Variants in GSE1 observed in about 807,000 individuals in gnomAD.
The protein encoded by GSE1 is genetic suppressor element 1.
A neutral mutation model predicts 112.6 loss-of-function variants in GSE1; 32 were observed. The observed-to-expected ratio is 0.28, with a 90% CI of 0.21 to 0.38. GSE1 has a LOEUF of 0.38. GSE1 is among the 10% of genes least tolerant of loss of function. The probability of loss-of-function intolerance (pLI) is 1.00; values close to 1 mark genes in which losing one functional copy is unlikely to be tolerated. For missense variants in GSE1, 2,348 were observed against 1,699.2 expected, an observed-to-expected ratio of 1.38 and a Z score of -6.71; for synonymous variants, 1,115 against 735.6, an observed-to-expected ratio of 1.52 and a Z score of -8.35.
chr16:85,448,998 T>C (rs1029177084), intron 2 of GSE1, among the ~76,000 whole-genome samples: 1 of 152,178 alleles, frequency 6.6e-6, no homozygotes, highest in African/African-American at 2.4e-5. Flanking sequence ...CTCACTCGCC[T>C]GAGCAGGAGG....
intron 2 of GSE1, among the ~76,000 whole-genome samples, chr16:85,497,009 C>G (rs2051203872): frequency 6.6e-6 from 1 of 152,132 alleles, no homozygotes; most frequent in African/African-American, 2.4e-5. Context: ...AGCGATTCTC[C>G]TGCCTCAGCC....
upstream of GSE1, among the ~76,000 whole-genome samples, chr16:85,552,280 C>T (rs2044955707): frequency 6.8e-6 from 1 of 146,308 alleles, no homozygotes; most frequent in African/African-American, 2.5e-5. Context: ...CCGCCTCGGC[C>T]TCCCAAAGTG....
chr16:85,301,519 A>G lies in GSE1; in HGVS notation c.2284-55944A>G, dbSNP rs2045525815. The stretch of plus-strand genomic sequence containing the variant: ...AGTGGCTGCCGGTTGGTGGATGGCA[A>G]GCTGCCCTGCATGGGCACCGGAAAG... On this transcript the variant is annotated intron_variant, in intron 1 of 2. Transcript: ENST00000637419. Among the ~76,000 whole-genome samples, 4 of 152,354 alleles carry G rather than the reference A, an allele frequency of 2.6e-5. No individual in the cohort carries two copies. The South Asian group carries it at 8.3e-4, about 32-fold the overall frequency.
chr16:85,325,304 G>A (rs921552622), intron 1 of GSE1, among the ~76,000 whole-genome samples: 1 of 152,130 alleles, frequency 6.6e-6, no homozygotes, highest in Non-Finnish European at 1.5e-5. Context: ...TAGTGGCGAG[G>A]GGGGCAGGCC....
At chr16:85,645,137 C>T (rs767578920) in intron 2 of GSE1, among the ~76,000 whole-genome samples, 17 of 151,216 alleles carry the variant, frequency 1.1e-4, no homozygotes, top group Non-Finnish European at 1.6e-4. Flanking sequence ...GGTGTTGGCC[C>T]GGTCGACTTG....
intron 1 of GSE1, among the ~76,000 whole-genome samples, chr16:85,355,543 G>C (rs2046934754): frequency 6.6e-6 from 1 of 152,230 alleles, no homozygotes. Flanking sequence ...CCGACAGCCA[G>C]GGCTGAGGGC....
intron 1 of GSE1, among the ~76,000 whole-genome samples, chr16:85,181,804 G>A (rs58211683): frequency 6.6e-6 from 1 of 152,164 alleles, no homozygotes; most frequent in Non-Finnish European, 1.5e-5. Flanking sequence ...AGCAAAGGGA[G>A]GCCAGGAGGC....
chr16:85,516,894 T>C (rs1343697461), intron 2 of GSE1, among the ~76,000 whole-genome samples: 1 of 149,564 alleles, frequency 6.7e-6, no homozygotes, highest in Non-Finnish European at 1.5e-5. Context: ...GCCTCCCGGG[T>C]TCACGCCATT....
Position 85,636,755 on chromosome 16 carries a change from A to G in GSE1, c.226+2623A>G, listed in dbSNP as rs2050034025. Among the ~76,000 whole-genome samples the G allele has an allele frequency of 3.3e-5, 5 of 152,230 alleles. 1 individual carries two copies. In the South Asian group the frequency reaches 1.0e-3, roughly 32 times the overall value. ...TGGTGGTCCCGGCGGTCCCTGCTGG[A>G]AAGGAAGCCCCCCTCACCCCTAGCA... On this transcript the variant is annotated intron_variant, in intron 2 of 15. Transcript: ENST00000253458.
chr16:85,409,276 C>A (rs1300536497), intron 2 of GSE1, among the ~76,000 whole-genome samples: 4 of 43,768 alleles, frequency 9.1e-5, no homozygotes, highest in Non-Finnish European at 1.8e-4. Context: ...CACTCAGGGT[C>A]CCTCTGATAA....
chr16:85,580,373 G>GCAGCAGCCGGCCAGCCCTGAAGGCTGGC (rs2046398653), intron 1 of GSE1: 1 of 152,254 alleles, frequency 6.6e-6, no homozygotes, highest in African/African-American at 2.4e-5. Flanking sequence ...GAGGCCTTGG[G>GCAGCAGCCGGCCAGCCCTGAAGGCTGGC]CAGCAGCCGG....
chr16:85,600,493 C>T (rs1166879864), intron 1 of GSE1, among the ~76,000 whole-genome samples: 2 of 151,926 alleles, frequency 1.3e-5, no homozygotes, highest in South Asian at 2.1e-4. Context: ...TGTTGAGAGG[C>T]AGTGGCTGGC....
chr16:85,182,361 C>A (rs1012502894), intron 1 of GSE1, among the ~76,000 whole-genome samples: 13 of 152,218 alleles, frequency 8.5e-5, no homozygotes, highest in African/African-American at 3.1e-4. Context: ...GGAGGAGGCT[C>A]GGGCCTGGCC....
intron 1 of GSE1, among the ~76,000 whole-genome samples, chr16:85,310,415 G>T (rs901335559): frequency 1.3e-5 from 2 of 152,062 alleles, no homozygotes; most frequent in East Asian, 3.8e-4. Flanking sequence ...TGTCATTGTC[G>T]GCTGCCTTCC....
At chr16:85,189,275 A>G (rs544042590) in intron 1 of GSE1, among the ~76,000 whole-genome samples, 3 of 152,242 alleles carry the variant, frequency 2.0e-5, no homozygotes, top group South Asian at 2.1e-4. Context: ...ACTTTATTCT[A>G]TTTGACTTCA....
At chr16:85,627,601 A>G (rs1421533520) in intron 1 of GSE1, among the ~76,000 whole-genome samples, 6 of 151,580 alleles carry the variant, frequency 4.0e-5, no homozygotes, top group Non-Finnish European at 7.4e-5. Flanking sequence ...GTCCACCTAG[A>G]CCCCTGGCTC....
intron 1 of GSE1, among the ~76,000 whole-genome samples, chr16:85,613,601 G>C (rs1343865827): frequency 6.6e-6 from 1 of 151,922 alleles, no homozygotes; most frequent in African/African-American, 2.4e-5. Context: ...TCGCAGCCTG[G>C]GAGGCCTGGC....
intron 1 of GSE1, among the ~76,000 whole-genome samples, chr16:85,604,904 G>C (rs1451533720): frequency 1.4e-4 from 15 of 106,430 alleles, no homozygotes; most frequent in Admixed American, 1.2e-3. Context: ...TGCAAGCTCC[G>C]CCTCCCGGGT....
At chr16:85,601,759 G>A (rs2047475550) in intron 1 of GSE1, among the ~76,000 whole-genome samples, 2 of 152,198 alleles carry the variant, frequency 1.3e-5, no homozygotes, top group African/African-American at 4.8e-5. Context: ...CAGCCGACGT[G>A]AGCTAGGGAG....
Sources: allele counts gnomAD v4.1 joint callset (sites outside exome capture counted in the v4.1 genomes callset), GRCh38; gene constraint gnomAD v4.1.1; transcripts MANE v1.5; gene names NCBI Gene and HGNC (gene_info 2026-07-23, HGNC 2026-07-21).